The following ESRRG variants were observed in gnomAD, a reference collection of about 807,000 sequenced individuals.
ESRRG encodes estrogen-related receptor gamma.
In ESRRG, 13 loss-of-function variants were observed where a neutral mutation model predicts 44.0. The observed-to-expected ratio is 0.30, with a 90% CI of 0.19 to 0.47. The LOEUF is 0.47. Among genes scored for constraint, ESRRG ranks in the 20% least tolerant of loss-of-function variants. The pLI is 1.00. For synonymous variants in ESRRG, 215 were observed against 214.6 expected, an observed-to-expected ratio of 1.00 and a Z score of -0.02; for missense variants, 395 against 580.6, an observed-to-expected ratio of 0.68 and a Z score of 3.29.
chr1:216,797,155 T>A (rs557378745), intron 2 of ESRRG, among the ~76,000 whole-genome samples: 2 of 152,184 alleles, frequency 1.3e-5, no homozygotes, highest in South Asian at 4.2e-4. Flanking sequence ...CTTTCAAAGT[T>A]CTGGGATTAC....
At chr1:216,961,043 C>T (rs2068942704) in intron 1 of ESRRG, among the ~76,000 whole-genome samples, 1 of 152,036 alleles carries the variant, frequency 6.6e-6, no homozygotes, top group Admixed American at 6.6e-5. Flanking sequence ...TACTGTAAGA[C>T]AATATGATAT....
intron 1 of ESRRG, among the ~76,000 whole-genome samples, chr1:216,701,150 A>T (rs866051685): frequency 6.6e-6 from 1 of 152,114 alleles, no homozygotes; most frequent in Middle Eastern, 3.4e-3. Context: ...GGGGTATGAA[A>T]TATTTATTGA....
intron 5 of ESRRG, among the ~76,000 whole-genome samples, chr1:216,549,089 C>A (rs766911390): frequency 2.6e-5 from 4 of 151,880 alleles, no homozygotes; most frequent in Non-Finnish European, 5.9e-5. Context: ...CAAGTGCCAC[C>A]GAAATAAGTA....
At chr1:216,999,991 A>G (rs1371449523) in intron 1 of ESRRG, among the ~76,000 whole-genome samples, 1 of 152,208 alleles carries the variant, frequency 6.6e-6, no homozygotes. Flanking sequence ...GTATCAAGCT[A>G]TTGTTAATTA....
chr1:217,073,700 T>C (rs773660416), intron 1 of ESRRG, among the ~76,000 whole-genome samples: 8 of 150,336 alleles, frequency 5.3e-5, no homozygotes, highest in Non-Finnish European at 1.2e-4. Context: ...TGGGACAATA[T>C]ATAAGAGCTG....
intron 2 of ESRRG, among the ~76,000 whole-genome samples, chr1:216,661,644 G>C (rs972697310): frequency 1.3e-5 from 2 of 152,106 alleles, no homozygotes; most frequent in Non-Finnish European, 2.9e-5. Flanking sequence ...TTTACTTCTT[G>C]AGATTTCCCT....
At chr1:216,762,711 A>AAAAAAAATAAATAAATAAATAAAT (rs1011353419) in intron 2 of ESRRG, among the ~76,000 whole-genome samples, 4 of 151,538 alleles carry the variant, frequency 2.6e-5, no homozygotes, top group Non-Finnish European at 5.9e-5. Context: ...ATAATAATAA[A>AAAAAAAATAAATAAATAAATAAAT]AAATAAATAA....
chr1:217,098,678 T>A (rs916679927), intron 1 of ESRRG, among the ~76,000 whole-genome samples: 1 of 152,190 alleles, frequency 6.6e-6, no homozygotes, highest in Non-Finnish European at 1.5e-5. Flanking sequence ...CTCATTATGT[T>A]TTGAGTTAAA....
chr1:217,079,686 A>T (rs2091594569), intron 1 of ESRRG, among the ~76,000 whole-genome samples: 1 of 152,132 alleles, frequency 6.6e-6, no homozygotes, highest in Non-Finnish European at 1.5e-5. Flanking sequence ...ACCATACACA[A>T]TTTTTTGTGA....
At chr1:217,102,381 A>G (rs2092529979) in intron 1 of ESRRG, among the ~76,000 whole-genome samples, 1 of 152,178 alleles carries the variant, frequency 6.6e-6, no homozygotes, top group Non-Finnish European at 1.5e-5. Flanking sequence ...AATAATAATT[A>G]ATATGTGTTA....
intron 1 of ESRRG, among the ~76,000 whole-genome samples, chr1:216,688,179 A>C (rs1195730605): frequency 6.6e-6 from 1 of 152,232 alleles, no homozygotes; most frequent in Non-Finnish European, 1.5e-5. Flanking sequence ...AAAGCAGGCG[A>C]GCCTGCTTTT....
At position 216,504,369 on chromosome 1, in the gene ESRRG, A is replaced by C. The variant is rs1264993660; in HGVS notation, c.*2570T>G. ...GTTGTTATTTTTAAAGGGATGTGCC[A>C]ATTTCTGAACTCCTATCACAGCTAT... is the stretch of plus-strand genomic sequence containing the variant. On this transcript the variant is annotated 3_prime_UTR_variant, in exon 7 of 7. Transcript: ENST00000408911. The C allele has an allele frequency of 6.6e-6, 1 of 152,506 alleles. No homozygotes were observed. The highest frequency in any genetic ancestry group is 1.5e-5 in the Non-Finnish European group (1 of 67,978). The allele number at this position is 152,506 out of a possible 1,614,324, so 9.4% of individuals were successfully genotyped here.
chr1:216,725,933 G>A (rs967420434), upstream of ESRRG, among the ~76,000 whole-genome samples: 7 of 151,960 alleles, frequency 4.6e-5, no homozygotes, highest in East Asian at 5.8e-4. Flanking sequence ...TGTATTTACC[G>A]GTGGATCTCA....
intron 2 of ESRRG, among the ~76,000 whole-genome samples, chr1:216,882,933 T>C (rs1409173462): frequency 6.6e-6 from 1 of 150,446 alleles, no homozygotes; most frequent in Non-Finnish European, 1.5e-5. Context: ...AATCATTGTC[T>C]GAAAAAAAAA....
intron 5 of ESRRG, among the ~76,000 whole-genome samples, chr1:216,535,863 G>A (rs1316923635): frequency 1.3e-5 from 2 of 151,886 alleles, no homozygotes; most frequent in Non-Finnish European, 2.9e-5. Context: ...CCTTCACCAC[G>A]AAAATTCCTG....
At chr1:216,946,730 G>T (rs11117733) in intron 1 of ESRRG, among the ~76,000 whole-genome samples, 49,366 of 151,000 alleles carry the variant, frequency 0.33, 9,382 homozygotes, top group Non-Finnish European at 0.44. Context: ...TTCTTTCTTT[G>T]TTTTTTTAGG....
intron 1 of ESRRG, among the ~76,000 whole-genome samples, chr1:216,953,273 T>C (rs2067292270): frequency 6.6e-6 from 1 of 152,136 alleles, no homozygotes; most frequent in African/African-American, 2.4e-5. Flanking sequence ...TAGGGACCAA[T>C]TTCGAGTATT....
chr1:216,991,594 G>T (rs1193244925), intron 1 of ESRRG, among the ~76,000 whole-genome samples: 2 of 137,106 alleles, frequency 1.5e-5, no homozygotes, highest in African/African-American at 5.5e-5. Context: ...GCTGGGATGG[G>T]ATAGCATGGG....
chr1:216,775,239 CAA>C (rs2093557835), intron 2 of ESRRG, among the ~76,000 whole-genome samples: 1 of 152,018 alleles, frequency 6.6e-6, no homozygotes, highest in Non-Finnish European at 1.5e-5. Flanking sequence ...TATTGTATAA[CAA>C]GAGGGTTTCC....
Sources: allele counts gnomAD v4.1 joint callset (sites outside exome capture counted in the v4.1 genomes callset), GRCh38; gene constraint gnomAD v4.1.1; transcripts MANE v1.5; gene names NCBI Gene and HGNC (gene_info 2026-07-23, HGNC 2026-07-21).